Variants in SPECC1 observed in about 807,000 individuals in gnomAD.
SPECC1 encodes the protein cytospin-B.
Under a neutral mutation model 104.1 loss-of-function variants are expected in SPECC1, and 62 were observed. The observed-to-expected ratio is 0.60, with a 90% CI of 0.49 to 0.74. The LOEUF is 0.74. Among genes scored for constraint, SPECC1 ranks in the 30% least tolerant of loss-of-function variants. The probability of loss-of-function intolerance (pLI) is 0.00; values close to 1 mark genes in which losing one functional copy is unlikely to be tolerated. For synonymous variants in SPECC1, 513 were observed against 501.6 expected (o/e 1.02, Z -0.30); for missense variants, 1,306 against 1,310.5 (o/e 1.00, Z 0.05).
At chr17:20,279,323 C>CTTTTTTTTTTTTTTTTTTTT (rs548300449) in intron 12 of SPECC1, among the ~76,000 whole-genome samples, 1 of 113,732 alleles carries the variant, frequency 8.8e-6, no homozygotes, top group African/African-American at 3.2e-5. Context: ...TTTTTTTTTT[C>CTTTTTTTTTTTTTTTTTTTT]TTTTTTTTTT....
chr17:20,191,009 C>T (rs1436200327), intron 3 of SPECC1, among the ~76,000 whole-genome samples: 2 of 152,106 alleles, frequency 1.3e-5, no homozygotes, highest in Non-Finnish European at 2.9e-5. Context: ...CTGTGTGTAG[C>T]TTTTTCAGAC....
intron 3 of SPECC1, among the ~76,000 whole-genome samples, chr17:20,172,467 C>G (rs1355715828): frequency 6.6e-6 from 1 of 152,218 alleles, no homozygotes; most frequent in African/African-American, 2.4e-5. Flanking sequence ...AGACCTTTCC[C>G]TTTCTCTCTC....
chr17:20,099,720 A>AAT (rs1491325059), intron 2 of SPECC1, among the ~76,000 whole-genome samples: 21 of 91,920 alleles, frequency 2.3e-4, no homozygotes, highest in African/African-American at 1.1e-3. Flanking sequence ...AAAAAAAAAA[A>AAT]CCCACAAAAT....
intron 1 of SPECC1, among the ~76,000 whole-genome samples, chr17:20,022,821 C>T (rs987489524): frequency 1.3e-5 from 2 of 152,178 alleles, no homozygotes; most frequent in Non-Finnish European, 2.9e-5. Context: ...TGATGATGTT[C>T]CCAAGATTGC....
intron 3 of SPECC1, among the ~76,000 whole-genome samples, chr17:20,158,307 G>A (rs1391854181): frequency 1.3e-5 from 2 of 152,152 alleles, no homozygotes; most frequent in South Asian, 2.1e-4. Context: ...CATGGTTCCC[G>A]TATTGTGTCA....
At chr17:20,035,761 T>C (rs1170355442) in intron 1 of SPECC1, among the ~76,000 whole-genome samples, 3 of 152,234 alleles carry the variant, frequency 2.0e-5, no homozygotes, top group African/African-American at 7.2e-5. Context: ...TTTTTGTATG[T>C]TCATCATATA....
intron 7 of SPECC1, among the ~76,000 whole-genome samples, chr17:20,242,800 T>C (rs1347028207): frequency 6.6e-6 from 1 of 152,202 alleles, no homozygotes; most frequent in Non-Finnish European, 1.5e-5. Context: ...GATAATAATA[T>C]CTAGTTTTGT....
At chr17:20,313,829 G>A in intron 14 of SPECC1, 147 bp from the exon 15 acceptor site, 1 of 675,778 alleles carries the variant, frequency 1.5e-6, no homozygotes, top group Non-Finnish European at 2.6e-6. Flanking sequence ...ATCGCTTTCA[G>A]CACCACCTGT....
Position 20,315,323 on chromosome 17 carries a change from T to C in SPECC1, c.*1258T>C, listed in dbSNP as rs2042026420. On this transcript the variant is annotated 3_prime_UTR_variant, in exon 15 of 15. Transcript: ENST00000395527. ...GAAGAATGCAGTTGCCCCAGCATCC[T>C]ACTGGTCACCTTAAGTGGCAGCAGA... 8.6e-6 allele frequency: 2 copies of C among 232,566 alleles called. No individual in the cohort carries two copies. Among genetic ancestry groups the C allele is most frequent in the Admixed American group, 1.1e-4 (2 of 17,746 alleles). The allele number at this position is 232,566 out of a possible 1,614,324, so 14.4% of individuals were successfully genotyped here.
intron 7 of SPECC1, among the ~76,000 whole-genome samples, chr17:20,242,491 A>G (rs1488962475): frequency 6.6e-6 from 1 of 152,146 alleles, no homozygotes; most frequent in African/African-American, 2.4e-5. Flanking sequence ...CTGGCCTGCA[A>G]CTGTTGTTCT....
chr17:20,167,161 A>T (rs959323853), intron 3 of SPECC1, among the ~76,000 whole-genome samples: 1 of 147,898 alleles, frequency 6.8e-6, no homozygotes, highest in South Asian at 2.1e-4. Flanking sequence ...TATAATTTAT[A>T]TTATATATAG....
chr17:20,300,988 C>G (rs556733407), intron 13 of SPECC1, among the ~76,000 whole-genome samples: 1 of 152,272 alleles, frequency 6.6e-6, no homozygotes, highest in East Asian at 1.9e-4. Flanking sequence ...CCGTTTGCCA[C>G]TCTCTGAAGG....
intron 7 of SPECC1, among the ~76,000 whole-genome samples, chr17:20,241,164 G>C (rs1452639959): frequency 1.3e-5 from 2 of 152,214 alleles, no homozygotes; most frequent in Non-Finnish European, 2.9e-5. Flanking sequence ...AGCCCAGGTA[G>C]AGTAGAGAAG....
At chr17:20,128,462 G>GAGCAGGA (rs965473127) in intron 3 of SPECC1, among the ~76,000 whole-genome samples, 3 of 152,190 alleles carry the variant, frequency 2.0e-5, no homozygotes, top group East Asian at 1.9e-4. Context: ...CACAAGGAGG[G>GAGCAGGA]AGCAGGAAGC....
intron 12 of SPECC1, among the ~76,000 whole-genome samples, chr17:20,284,589 G>A (rs1422951129): frequency 1.3e-5 from 2 of 152,378 alleles, no homozygotes; most frequent in African/African-American, 4.8e-5. Flanking sequence ...GAAATGTTAT[G>A]TGTGCATTTG....
chr17:20,171,313 T>G (rs2034072456), intron 3 of SPECC1, among the ~76,000 whole-genome samples: 1 of 152,210 alleles, frequency 6.6e-6, no homozygotes, highest in African/African-American at 2.4e-5. Flanking sequence ...CCTGACAGCC[T>G]GTGCTTTATG....
chr17:20,232,794 C>T (rs2038679320), intron 7 of SPECC1, among the ~76,000 whole-genome samples: 1 of 152,252 alleles, frequency 6.6e-6, no homozygotes, highest in South Asian at 2.1e-4. Flanking sequence ...GCTGGAATCA[C>T]TCCCAAGGGG....
At position 20,315,639 on chromosome 17, in the gene SPECC1, C is replaced by T. The variant is rs2042030946; in HGVS notation, c.*1574C>T. ...TACATCTCTGATTGCTGATCTGAGC[C>T]ACTGGTTCAGAGCCAGGTTCTAGAG... is the stretch of plus-strand genomic sequence containing the variant. On this transcript the variant is annotated 3_prime_UTR_variant, in exon 15 of 15. Coordinates refer to ENST00000395527, the MANE Select transcript of SPECC1 (RefSeq NM_001243439.2). 1 of 232,316 alleles carries T rather than the reference C, an allele frequency of 4.3e-6. No individual in the cohort carries two copies. 14.4% of individuals were successfully genotyped at this position (232,316 alleles called of 1,614,324 possible). A position where few individuals can be genotyped will look rare whatever the true frequency, so the allele number is the denominator to read the frequency against.
intron 3 of SPECC1, among the ~76,000 whole-genome samples, chr17:20,136,092 A>G (rs1323157661): frequency 1.3e-5 from 2 of 152,046 alleles, no homozygotes; most frequent in Non-Finnish European, 2.9e-5. Context: ...AGTTTGGCTT[A>G]TTTTGTGTAC....
Sources: allele counts gnomAD v4.1 joint callset (sites outside exome capture counted in the v4.1 genomes callset), GRCh38; gene constraint gnomAD v4.1.1; transcripts MANE v1.5; gene names NCBI Gene and HGNC (gene_info 2026-07-23, HGNC 2026-07-21).